The following ARFGAP2 variants were observed in gnomAD, a reference collection of about 807,000 sequenced individuals.
The protein encoded by ARFGAP2 is ADP-ribosylation factor GTPase-activating protein 2.
ARFGAP2 carries 45 observed loss-of-function variants against 71.9 expected under a neutral mutation model. That is an observed-to-expected ratio of 0.63 (90% CI 0.49 to 0.80). The LOEUF (loss-of-function observed/expected upper bound fraction) is 0.80. Among genes scored for constraint, ARFGAP2 ranks in the 30% least tolerant of loss-of-function variants. ARFGAP2 has a pLI of 0.00. For missense variants in ARFGAP2, 633 were observed against 673.9 expected, an observed-to-expected ratio of 0.94 and a Z score of 0.67; for synonymous variants, 248 against 249.2, an observed-to-expected ratio of 1.00 and a Z score of 0.05.
At chr11:47,168,583 C>T (rs1952479735) in intron 10 of ARFGAP2, 1 of 210,574 alleles carries the variant, frequency 4.7e-6, no homozygotes, top group Non-Finnish European at 9.8e-6. Context: ...TCCAGTGGTG[C>T]AATCTTGGCT....
Position 47,165,222 on chromosome 11 carries a change from G to T in ARFGAP2, c.*260C>A. The T allele has an allele frequency of 2.5e-6, 1 of 399,452 alleles. No individual in the cohort carries two copies. The highest frequency in any genetic ancestry group is 4.4e-6 in the Non-Finnish European group (1 of 226,952). 24.7% of individuals were successfully genotyped at this position (399,452 alleles called of 1,614,324 possible). ...GGATAAGTGAGCAGCAGCTGTGGGG[G>T]CAGGACAGAAGGACAAGAGTCTAAC... On this transcript the variant is annotated 3_prime_UTR_variant, in exon 16 of 16. Coordinates refer to ENST00000524782, the MANE Select transcript of ARFGAP2 (RefSeq NM_032389.6).
rs908625251 is a variant in ARFGAP2, at chr11:47,165,315, A to C, written c.*167T>G. ...AGGCAGAGGACAAGGGCTGGTACTG[A>C]CCATTCCCCTCACAGGAGTGAGCGC... On this transcript the variant is annotated 3_prime_UTR_variant, in exon 16 of 16. Coordinates refer to ENST00000524782, the MANE Select transcript of ARFGAP2 (RefSeq NM_032389.6). 7 of 752,506 alleles carry C rather than the reference A, an allele frequency of 9.3e-6. No individual in the cohort carries two copies. The South Asian group carries it at 9.4e-5, about 10-fold the overall frequency. 46.6% of individuals were successfully genotyped at this position (752,506 alleles called of 1,614,324 possible). A position where few individuals can be genotyped will look rare whatever the true frequency, so the allele number is the denominator to read the frequency against.
At chr11:47,168,291 A>G (rs755151131) in intron 10 of ARFGAP2, 40 bp from the exon 11 acceptor site, 2 of 1,611,950 alleles carry the variant, frequency 1.2e-6, no homozygotes, top group South Asian at 1.1e-5. Context: ...ACCAAAGGAT[A>G]GGCATCAGCA....
chr11:47,171,819 A>G lies in ARFGAP2; in HGVS notation c.673-19T>C, dbSNP rs972691915. 2 of 1,612,042 alleles carry G rather than the reference A, an allele frequency of 1.2e-6. No individual in the cohort carries two copies. Among genetic ancestry groups the G allele is most frequent in the Admixed American group, 1.7e-5 (1 of 60,018 alleles). On this transcript the variant is annotated intron_variant, in intron 8 of 15. Transcript: ENST00000524782. ...CACCCAGCTGGGAACAGAATCATGT[A>G]AGGGGCCTTCCCAATCACACTCTCC... is the stretch of plus-strand genomic sequence containing the variant.
intron 8 of ARFGAP2, 82 bp downstream of exon 8, chr11:47,172,198 GT>G (rs1343256871): frequency 1.2e-5 from 16 of 1,349,540 alleles, no homozygotes; most frequent in Non-Finnish European, 1.7e-5. Flanking sequence ...CATATAGCTG[GT>G]AAGTGGTAAG....
chr11:47,171,429 C>T lies in ARFGAP2; in HGVS notation c.938G>A (p.Arg313Gln), dbSNP rs371380560. 2.4e-5 allele frequency: 39 copies of T among 1,614,070 alleles called. No individual in the cohort carries two copies. The highest frequency in any genetic ancestry group is 4.0e-5 in the African/African-American group (3 of 74,952). The change falls in exon 10 of 16, where the codon CGA (arginine) becomes CAA (glutamine). Residue 313 changes from arginine (R) to glutamine (Q), a missense_variant. Arg to Gln is a conservative substitution (Grantham distance 43, BLOSUM62 1). Coordinates refer to ENST00000524782, the MANE Select transcript of ARFGAP2 (RefSeq NM_032389.6). ...AERLGMGLVSRSSVSHSVLSE... is the reference protein window; with the variant it reads ...AERLGMGLVSQSSVSHSVLSE... ...CACACCCGGAGCTGAGCCTCACCTT[C>T]GGGATACCAAGCCCATGCCCAACCT...
chr11:47,171,558 C>T lies in ARFGAP2; in HGVS notation c.810-1G>A. On this transcript the variant is annotated splice_acceptor_variant, in intron 9 of 15. Transcript: ENST00000524782. LOFTEE classifies it high-confidence loss of function. ...GTAGGCCAGACGCATGGAGGCGACCCTTAGGGGGAACAAAGGTGTCAGTGG... is the reference window on the plus strand; with the variant it reads ...GTAGGCCAGACGCATGGAGGCGACCTTTAGGGGGAACAAAGGTGTCAGTGG... The T allele has an allele frequency of 6.2e-7, 1 of 1,614,202 alleles. No homozygotes were observed. The highest frequency in any genetic ancestry group is 8.5e-7 in the Non-Finnish European group (1 of 1,180,028).
In ARFGAP2 at chr11:47,173,744, C is replaced by G; in HGVS notation, c.562+15G>C. On this transcript the variant is annotated intron_variant, in intron 6 of 15. Coordinates refer to ENST00000524782, the MANE Select transcript of ARFGAP2 (RefSeq NM_032389.6). ...TAGGACCAGGGCACCTGGTTGGAATCTGGGCTGAACTCACGTGCCAGGCCA... is the reference window on the plus strand; with the variant it reads ...TAGGACCAGGGCACCTGGTTGGAATGTGGGCTGAACTCACGTGCCAGGCCA... 1 of 1,588,884 alleles carries G rather than the reference C, an allele frequency of 6.3e-7. No individual in the cohort carries two copies. The highest frequency in any genetic ancestry group is 8.6e-7 in the Non-Finnish European group (1 of 1,166,682).
intron 7 of ARFGAP2, chr11:47,172,606 AAAC>A: frequency 7.6e-7 from 1 of 1,323,448 alleles, no homozygotes; most frequent in South Asian, 1.3e-5. Flanking sequence ...CCCTGAACCA[AAAC>A]AAAGACTGCG....
In ARFGAP2 at chr11:47,173,200, C is replaced by G. The variant is rs74402657; in HGVS notation, c.619+226G>C. On this transcript the variant is annotated intron_variant, in intron 7 of 15. Coordinates refer to ENST00000524782, the MANE Select transcript of ARFGAP2 (RefSeq NM_032389.6). ...CCAGCCCCACACTCAGAGGCAGACC[C>G]CAGGCCTTATACACCAGCCCACCCA... 1,731 of 588,404 alleles carry G rather than the reference C, an allele frequency of 2.9e-3. 44 individuals are homozygous for G. The East Asian group carries it at 0.048, about 16-fold the overall frequency. 36.4% of individuals were successfully genotyped at this position (588,404 alleles called of 1,614,324 possible). A position where few individuals can be genotyped will look rare whatever the true frequency, so the allele number is the denominator to read the frequency against.
intron 15 of ARFGAP2, 22 bp from the exon 16 acceptor site, chr11:47,165,524 A>G (rs777256960): frequency 6.0e-6 from 9 of 1,498,098 alleles, no homozygotes; most frequent in African/African-American, 2.9e-5. Flanking sequence ...GGGGGAGAAA[A>G]AAAAAAAAAA....
At position 47,164,539 on chromosome 11, in the gene ARFGAP2, G is replaced by A; in HGVS notation, c.*943C>T. 2 of 245,694 alleles carry A rather than the reference G, an allele frequency of 8.1e-6. No homozygotes were observed. The highest frequency in any genetic ancestry group is 1.6e-5 in the Non-Finnish European group (2 of 124,766). 15.2% of individuals were successfully genotyped at this position (245,694 alleles called of 1,614,324 possible). A position where few individuals can be genotyped will look rare whatever the true frequency, so the allele number is the denominator to read the frequency against. ...ACAGTGCTTGGCTCAGCTGCCAGAG[G>A]GTGAGGCCCACAGCTCTCACTGGCG... On this transcript the variant is annotated 3_prime_UTR_variant, in exon 16 of 16. Coordinates refer to ENST00000524782, the MANE Select transcript of ARFGAP2 (RefSeq NM_032389.6).
chr11:47,173,790 T>C lies in ARFGAP2; in HGVS notation c.531A>G (p.Pro177=), dbSNP rs1242675687. 1 of 1,605,816 alleles carries C rather than the reference T, an allele frequency of 6.2e-7. No individual in the cohort carries two copies. Among genetic ancestry groups the C allele is most frequent in the South Asian group, 1.1e-5 (1 of 89,222 alleles). Residue 177 remains proline (P), a synonymous_variant, in exon 6 of 16, where the codon CCA becomes CCG. Transcript: ENST00000524782. ...PATEPSGTQQ[P]APSTESSGLA... is the part of the protein sequence containing the mutation. The stretch of plus-strand genomic sequence containing the variant: ...GGCCACTGCTCTCTGTAGACGGGGC[T>C]GGCTGCTGGGTCCCTGAAGGCTCAG...
chr11:47,174,392 T>C (rs1952716358), intron 5 of ARFGAP2: 1 of 94,936 alleles, frequency 1.1e-5, no homozygotes, highest in Admixed American at 1.2e-4. Flanking sequence ...TTTTTTTTTT[T>C]TTTTTTTTTT....
At chr11:47,165,979 C>T (rs898406431) in intron 15 of ARFGAP2, among the ~76,000 whole-genome samples, 2 of 152,146 alleles carry the variant, frequency 1.3e-5, no homozygotes, top group African/African-American at 4.8e-5. Context: ...GATTCTCCTG[C>T]CTCAGCATCC....
intron 2 of ARFGAP2, chr11:47,176,208 A>C: frequency 1.7e-6 from 1 of 588,904 alleles, no homozygotes; most frequent in Non-Finnish European, 3.0e-6. Context: ...CTCACTAGAG[A>C]CATACTGGTC....
intron 3 of ARFGAP2, 102 bp from the exon 4 acceptor site, chr11:47,175,415 T>C (rs773343767): frequency 2.6e-6 from 4 of 1,550,068 alleles, no homozygotes. Flanking sequence ...AGTTATTATC[T>C]ATACAGGATG....
At chr11:47,172,826 C>T (rs1038238032) in intron 7 of ARFGAP2, 11 of 1,249,008 alleles carry the variant, frequency 8.8e-6, no homozygotes, top group Admixed American at 2.3e-5. Flanking sequence ...GCCCAGCGGT[C>T]TCTATGAAGC....
chr11:47,168,366 C>T, intron 10 of ARFGAP2, 115 bp from the exon 11 acceptor site: 1 of 1,426,448 alleles, frequency 7.0e-7, no homozygotes, highest in Non-Finnish European at 9.5e-7. Context: ...CCAGAGCCTT[C>T]TGTCCTTACC....
Sources: gnomAD v4.1 joint callset for allele counts (sites outside exome capture counted in the v4.1 genomes callset) on GRCh38, gnomAD v4.1.1 for gene constraint, MANE v1.5 for transcripts, NCBI Gene and HGNC (gene_info 2026-07-23, HGNC 2026-07-21) for gene names.